Variants in ARHGAP39 observed in about 807,000 individuals in gnomAD.
The protein encoded by ARHGAP39 is rho GTPase-activating protein 39.
Under a neutral mutation model 106.9 loss-of-function variants are expected in ARHGAP39, and 44 were observed. The ratio of observed to expected loss-of-function variants is 0.41; its 90% confidence interval spans 0.32 to 0.53. The LOEUF is 0.53. ARHGAP39 is among the 20% of genes least tolerant of loss of function. ARHGAP39 has a pLI of 0.21. For missense variants in ARHGAP39, 1,496 were observed against 1,577.3 expected (o/e 0.95, Z 0.87); for synonymous variants, 768 against 693.2 (o/e 1.11, Z -1.69).
intron 1 of ARHGAP39, among the ~76,000 whole-genome samples, chr8:144,665,841 G>A (rs960343459): frequency 2.6e-5 from 4 of 152,194 alleles, no homozygotes; most frequent in African/African-American, 9.6e-5. Flanking sequence ...GGGAAATGTG[G>A]GGTTGGAGTC....
chr8:144,587,828 T>G (rs372269671), intron 2 of ARHGAP39, among the ~76,000 whole-genome samples: 294 of 152,094 alleles, frequency 1.9e-3, no homozygotes, highest in African/African-American at 6.4e-3. Flanking sequence ...CTAACTCTTG[T>G]TTTTAGTAGA....
intron 2 of ARHGAP39, among the ~76,000 whole-genome samples, chr8:144,602,218 C>T (rs1280581421): frequency 3.9e-5 from 5 of 127,610 alleles, no homozygotes; most frequent in African/African-American, 6.1e-5. Context: ...CGTGCGAGCT[C>T]GTGTACCTGT....
intron 3 of ARHGAP39, among the ~76,000 whole-genome samples, chr8:144,559,874 A>C (rs1818078526): frequency 6.6e-6 from 1 of 152,244 alleles, no homozygotes; most frequent in South Asian, 2.1e-4. Context: ...TGCATGAAAC[A>C]AAGTTTTGAC....
intron 3 of ARHGAP39, among the ~76,000 whole-genome samples, chr8:144,573,146 A>G (rs183286540): frequency 6.6e-6 from 1 of 152,354 alleles, no homozygotes; most frequent in East Asian, 1.9e-4. Context: ...AAAAAGACAC[A>G]TGCACATGTG....
intron 1 of ARHGAP39, among the ~76,000 whole-genome samples, chr8:144,642,036 GT>G (rs909219248): frequency 1.3e-5 from 2 of 152,222 alleles, no homozygotes; most frequent in African/African-American, 4.8e-5. Flanking sequence ...GTGGTGGTTT[GT>G]TATGGCAGCA....
At chr8:144,633,927 G>A (rs943429626) in intron 1 of ARHGAP39, among the ~76,000 whole-genome samples, 1 of 152,232 alleles carries the variant, frequency 6.6e-6, no homozygotes, top group Non-Finnish European at 1.5e-5. Flanking sequence ...AAAGATACAT[G>A]AATACAAGTT....
At chr8:144,581,599 C>T (rs1358818023) in intron 2 of ARHGAP39, among the ~76,000 whole-genome samples, 7 of 152,226 alleles carry the variant, frequency 4.6e-5, no homozygotes, top group Admixed American at 1.3e-4. Context: ...CCCACTGCTC[C>T]GTCCTGCAGG....
chr8:144,682,444 G>A (rs1822450109), intron 1 of ARHGAP39, among the ~76,000 whole-genome samples: 1 of 150,154 alleles, frequency 6.7e-6, no homozygotes, highest in Non-Finnish European at 1.5e-5. Context: ...AGCTACTCGG[G>A]AGGCTGAGGC....
intron 2 of ARHGAP39, among the ~76,000 whole-genome samples, chr8:144,597,103 A>G (rs1774028599): frequency 6.6e-6 from 1 of 152,218 alleles, no homozygotes; most frequent in South Asian, 2.1e-4. Flanking sequence ...CCAAGGAGAC[A>G]GAGGAGGGAC....
At chr8:144,650,219 AACAG>A (rs1183288327) in intron 1 of ARHGAP39, among the ~76,000 whole-genome samples, 1 of 152,144 alleles carries the variant, frequency 6.6e-6, no homozygotes, top group Non-Finnish European at 1.5e-5. Context: ...TGATTCCCTA[AACAG>A]ACAATTAACA....
At chr8:144,629,897 C>T (rs1053752018) in intron 1 of ARHGAP39, among the ~76,000 whole-genome samples, 2 of 151,988 alleles carry the variant, frequency 1.3e-5, no homozygotes, top group Admixed American at 1.3e-4. Context: ...ATGGCAAAGG[C>T]GGCACCTCCC....
In ARHGAP39 at chr8:144,651,012, C is replaced by T. The variant is rs1414011417; in HGVS notation, c.-82+34674G>A. ...ATCTAGAAAACCCCATCGTCTCAGC[C>T]CAAAAGCTCTTTCATCAAATGAAGC... is the stretch of plus-strand genomic sequence containing the variant. On this transcript the variant is annotated intron_variant, in intron 1 of 11. Coordinates refer to ENST00000377307, the MANE Select transcript of ARHGAP39 (RefSeq NM_025251.3). Among the ~76,000 whole-genome samples the T allele has an allele frequency of 2.6e-5, 4 of 152,184 alleles. No individual in the cohort carries two copies. The East Asian group carries it at 5.8e-4, about 22-fold the overall frequency.
At chr8:144,595,145 T>C (rs962761797) in intron 2 of ARHGAP39, among the ~76,000 whole-genome samples, 4 of 152,154 alleles carry the variant, frequency 2.6e-5, no homozygotes, top group African/African-American at 9.7e-5. Context: ...TGCACACAAA[T>C]GTTCATGGCA....
At chr8:144,630,429 C>T (rs563442923) in intron 1 of ARHGAP39, among the ~76,000 whole-genome samples, 172 of 152,220 alleles carry the variant, frequency 1.1e-3, no homozygotes, top group Admixed American at 2.2e-3. Context: ...AAGAAGCGCC[C>T]CAGCCCTGGC....
intron 6 of ARHGAP39, among the ~76,000 whole-genome samples, chr8:144,544,840 A>T (rs1817341105): frequency 6.6e-6 from 1 of 152,256 alleles, no homozygotes; most frequent in South Asian, 2.1e-4. Context: ...GACAACCCGG[A>T]TCTTGCCAGG....
chr8:144,542,532 G>C (rs925540377), intron 6 of ARHGAP39, among the ~76,000 whole-genome samples: 7 of 152,210 alleles, frequency 4.6e-5, no homozygotes, highest in African/African-American at 1.4e-4. Context: ...CCACAGTACA[G>C]GCTATATCCG....
At chr8:144,622,334 C>T (rs540129590) in intron 1 of ARHGAP39, among the ~76,000 whole-genome samples, 3 of 152,082 alleles carry the variant, frequency 2.0e-5, no homozygotes, top group Admixed American at 6.5e-5. Flanking sequence ...TCAGCAATGT[C>T]CTCACACCCC....
At chr8:144,540,776 C>T (rs965291647) in intron 6 of ARHGAP39, among the ~76,000 whole-genome samples, 1 of 151,538 alleles carries the variant, frequency 6.6e-6, no homozygotes, top group East Asian at 1.9e-4. Context: ...CTTCCCTGGG[C>T]AATACAGTGA....
At position 144,684,302 on chromosome 8, in the gene ARHGAP39, T is replaced by TC. The variant is rs985845570; in HGVS notation, c.-82+1383dup. Among the ~76,000 whole-genome samples, 1 of 152,076 alleles carries TC rather than the reference T, an allele frequency of 6.6e-6. No homozygotes were observed. Among genetic ancestry groups the TC allele is most frequent in the Non-Finnish European group, 1.5e-5 (1 of 68,002 alleles). On this transcript the variant is annotated intron_variant, in intron 1 of 11. Transcript: ENST00000377307. The surrounding 1 kb of genome is among the most constrained non-coding windows in gnomAD (Gnocchi z 4.4). ...CACCTCCTATCAAATCGCCTTTCCCTCCCCCGGCGCGAGAATCGCACCTTG... is the reference window on the plus strand; with the variant it reads ...CACCTCCTATCAAATCGCCTTTCCCTCCCCCCGGCGCGAGAATCGCACCTTG...
Sources: gnomAD v4.1 joint callset for allele counts (sites outside exome capture counted in the v4.1 genomes callset) on GRCh38, gnomAD v4.1.1 for gene constraint, Gnocchi (gnomAD v3.1) non-coding constraint, MANE v1.5 for transcripts, NCBI Gene and HGNC (gene_info 2026-07-23, HGNC 2026-07-21) for gene names.